COL26A1: variants seen among roughly 807,000 people sequenced by gnomAD.
The protein encoded by COL26A1 is collagen alpha-1(XXVI) chain.
COL26A1 carries 41 observed loss-of-function variants against 59.3 expected under a neutral mutation model. The observed-to-expected ratio is 0.69, with a 90% CI of 0.54 to 0.90. COL26A1 has a LOEUF of 0.90. Among genes scored for constraint, COL26A1 ranks in the 40% least tolerant of loss-of-function variants. The pLI is 0.00. For synonymous variants in COL26A1, 266 were observed against 256.0 expected (o/e 1.04, Z -0.37); for missense variants, 612 against 602.3 (o/e 1.02, Z -0.17).
chr7:101,507,348 C>G (rs1794833623), intron 3 of COL26A1, among the ~76,000 whole-genome samples: 1 of 152,204 alleles, frequency 6.6e-6, no homozygotes, highest in African/African-American at 2.4e-5. Flanking sequence ...TCCCCAACAT[C>G]CCGTGGATTC....
At chr7:101,412,508 G>C (rs1000074350) in intron 1 of COL26A1, among the ~76,000 whole-genome samples, 1 of 152,028 alleles carries the variant, frequency 6.6e-6, no homozygotes, top group African/African-American at 2.4e-5. Flanking sequence ...AGCCAGGCGT[G>C]GTGGTGTGCA....
intron 3 of COL26A1, among the ~76,000 whole-genome samples, chr7:101,489,333 T>A (rs1463109883): frequency 6.6e-6 from 1 of 151,986 alleles, no homozygotes; most frequent in East Asian, 1.9e-4. Context: ...CCAGATATAT[T>A]CCATCCTCTG....
At chr7:101,405,841 C>T (rs1403328336) in intron 1 of COL26A1, among the ~76,000 whole-genome samples, 2 of 152,222 alleles carry the variant, frequency 1.3e-5, no homozygotes, top group African/African-American at 2.4e-5. Flanking sequence ...CATCAGTGGC[C>T]CCGCCAGCCC....
rs1482820526 is a variant in COL26A1 at position 101,385,901 on chromosome 7, TTAGTTAGCTAG to T, written c.158+22723_158+22733del. Among the ~76,000 whole-genome samples, 8 of 151,744 alleles carry T rather than the reference TTAGTTAGCTAG, an allele frequency of 5.3e-5. No individual in the cohort carries two copies. The East Asian group carries it at 1.6e-3, about 30-fold the overall frequency. On this transcript the variant is annotated intron_variant, in intron 1 of 12. Transcript: ENST00000313669. Reference sequence around the variant, plus strand: ...TTGTATTTTTAGTAGAGACCGGATGTTAGTTAGCTAGTAGTTAGCTAGGATGGTCTCGATCT... The same window carrying T: ...TTGTATTTTTAGTAGAGACCGGATGTTAGTTAGCTAGGATGGTCTCGATCT...
chr7:101,460,447 C>A (rs1296504565), intron 3 of COL26A1, among the ~76,000 whole-genome samples: 2 of 152,006 alleles, frequency 1.3e-5, no homozygotes, highest in African/African-American at 4.8e-5. Flanking sequence ...TGGCTCTTTC[C>A]CATCAGCACC....
In COL26A1 at chr7:101,363,143, C is replaced by G; in HGVS notation, c.111C>G (p.Tyr37Ter). 6.6e-7 allele frequency: 1 copy of G among 1,517,456 alleles called. No individual in the cohort carries two copies. Among genetic ancestry groups the G allele is most frequent in the Non-Finnish European group, 8.8e-7 (1 of 1,140,170 alleles). The allele number at this position is 1,517,456 out of a possible 1,614,324, so 94.0% of individuals were successfully genotyped here. A position where few individuals can be genotyped will look rare whatever the true frequency, so the allele number is the denominator to read the frequency against. Reference protein sequence around the residue: ...FSAAALQQHGYPEPGAGSPGS... With the variant: ...FSAAALQQHG ...CCGCAGCTCTGCAGCAGCACGGCTACCCCGAGCCCGGCGCCGGCTCCCCTG... is the reference window on the plus strand; with the variant it reads ...CCGCAGCTCTGCAGCAGCACGGCTAGCCCGAGCCCGGCGCCGGCTCCCCTG... The change falls in exon 1 of 13, where the codon TAC (tyrosine) becomes TAG (stop). Residue 37 changes from tyrosine (Y) to a stop codon, truncating the protein, a stop_gained. Transcript: ENST00000313669. LOFTEE classifies it high-confidence loss of function.
intron 1 of COL26A1, among the ~76,000 whole-genome samples, chr7:101,374,886 C>T (rs1245463650): frequency 6.6e-6 from 1 of 152,002 alleles, no homozygotes; most frequent in East Asian, 1.9e-4. Context: ...ATGGTGAAAC[C>T]CTGTCTCCAA....
intron 4 of COL26A1, among the ~76,000 whole-genome samples, chr7:101,537,309 C>A (rs1380557230): frequency 6.6e-6 from 1 of 152,204 alleles, no homozygotes; most frequent in Non-Finnish European, 1.5e-5. Flanking sequence ...GCTTTACTCT[C>A]TGACCTCATG....
At chr7:101,437,615 C>T (rs1435975562) in intron 2 of COL26A1, among the ~76,000 whole-genome samples, 1 of 151,876 alleles carries the variant, frequency 6.6e-6, no homozygotes, top group Non-Finnish European at 1.5e-5. Context: ...CACTCTGTTG[C>T]CCAGGCTGGA....
At chr7:101,469,286 CT>C in intron 3 of COL26A1, among the ~76,000 whole-genome samples, 1 of 152,048 alleles carries the variant, frequency 6.6e-6, no homozygotes, top group East Asian at 1.9e-4. Context: ...GAAATGGAGA[CT>C]GCTGTGGTTT....
At chr7:101,363,941 C>T (rs938255098) in intron 1 of COL26A1, among the ~76,000 whole-genome samples, 1 of 152,072 alleles carries the variant, frequency 6.6e-6, no homozygotes, top group Non-Finnish European at 1.5e-5. Flanking sequence ...TCATTCCCGC[C>T]CAGTCTTTGG....
intron 1 of COL26A1, among the ~76,000 whole-genome samples, chr7:101,374,183 C>T (rs1040759710): frequency 6.6e-6 from 1 of 152,178 alleles, no homozygotes; most frequent in African/African-American, 2.4e-5. Context: ...CTACCTGCCT[C>T]CCAGAAACCA....
At chr7:101,364,816 T>TGCCTCG (rs1189005775) in intron 1 of COL26A1, among the ~76,000 whole-genome samples, 1 of 152,168 alleles carries the variant, frequency 6.6e-6, no homozygotes, top group African/African-American at 2.4e-5. Context: ...GAGATCCTCC[T>TGCCTCG]GCCTCGGCCT....
rs186167963 is a variant in COL26A1, at chr7:101,375,940, C to T, written c.158+12750C>T. Among the ~76,000 whole-genome samples, 52 of 143,672 alleles carry T rather than the reference C, an allele frequency of 3.6e-4. No homozygotes were observed. The East Asian group carries it at 7.0e-3, about 19-fold the overall frequency. The allele number at this position is 143,672 out of a possible 152,430, so 94.3% of individuals were successfully genotyped here. A position where few individuals can be genotyped will look rare whatever the true frequency, so the allele number is the denominator to read the frequency against. On this transcript the variant is annotated intron_variant, in intron 1 of 12. Coordinates refer to ENST00000313669, the MANE Select transcript of COL26A1 (RefSeq NM_001278563.3). ...GGCGGTGCTTGCAGTGAGCCAAGAT[C>T]GCGCCACTGCACTCCAGCCTGGGCG...
rs555796877 is a variant in COL26A1 at position 101,445,152 on chromosome 7, G to T, written c.282-2532G>T. Among the ~76,000 whole-genome samples the T allele has an allele frequency of 1.1e-4, 17 of 151,976 alleles. 1 individual carries two copies. The South Asian group carries it at 3.1e-3, about 28-fold the overall frequency. On this transcript the variant is annotated intron_variant, in intron 2 of 12. Coordinates refer to ENST00000313669, the MANE Select transcript of COL26A1 (RefSeq NM_001278563.3). ...CACCATGCCTGGCCAGGTACTTTAT[G>T]TTTACTATTATTTTTTGTTTGTTTA... is the stretch of plus-strand genomic sequence containing the variant.
intron 3 of COL26A1, among the ~76,000 whole-genome samples, chr7:101,489,586 G>A (rs543026580): frequency 1.3e-5 from 2 of 149,870 alleles, no homozygotes; most frequent in East Asian, 2.0e-4. Context: ...CACCACACTC[G>A]GCTATTTTCT....
chr7:101,506,537 C>G (rs543005321), intron 3 of COL26A1, among the ~76,000 whole-genome samples: 49 of 152,328 alleles, frequency 3.2e-4, no homozygotes, highest in Non-Finnish European at 6.2e-4. Context: ...GCCCCGAGAC[C>G]AGGGGTGAGC....
chr7:101,516,499 T>C (rs528838500), intron 3 of COL26A1, among the ~76,000 whole-genome samples: 1 of 152,226 alleles, frequency 6.6e-6, no homozygotes, highest in South Asian at 2.1e-4. Context: ...CTCAAACTCC[T>C]GGGCTCAAGT....
chr7:101,558,524 C>G lies in COL26A1; in HGVS notation c.*994C>G, dbSNP rs1336185017. 2.0e-5 allele frequency: 3 copies of G among 152,248 alleles called. No individual in the cohort carries two copies. The highest frequency in any genetic ancestry group is 4.4e-5 in the Non-Finnish European group (3 of 68,064). The allele number at this position is 152,248 out of a possible 1,614,324, so 9.4% of individuals were successfully genotyped here. Reference sequence around the variant, plus strand: ...TGCTACTTTTGCATGACACAGCAAGCCCAGTGTCCCCTTTGCAAGCTGCAG... The same window carrying G: ...TGCTACTTTTGCATGACACAGCAAGGCCAGTGTCCCCTTTGCAAGCTGCAG... On this transcript the variant is annotated 3_prime_UTR_variant, in exon 13 of 13. Transcript: ENST00000313669.
Sources: gnomAD v4.1 joint callset for allele counts (sites outside exome capture counted in the v4.1 genomes callset) on GRCh38, gnomAD v4.1.1 for gene constraint, MANE v1.5 for transcripts, NCBI Gene and HGNC (gene_info 2026-07-23, HGNC 2026-07-21) for gene names.